SH3GL1: variants seen among roughly 807,000 people sequenced by gnomAD.
SH3GL1 encodes the protein SH3 domain containing GRB2 like 1, endophilin A2, also known as endophilin-A2.
Under a neutral mutation model 48.8 loss-of-function variants are expected in SH3GL1, and 21 were observed. The observed-to-expected ratio is 0.43, with a 90% CI of 0.30 to 0.62. SH3GL1 has a LOEUF of 0.62. Ranked by LOEUF, SH3GL1 falls within the 20% of genes least tolerant of loss-of-function variation. The pLI is 0.11. For synonymous variants in SH3GL1, 282 were observed against 217.5 expected (o/e 1.30, Z -2.61); for missense variants, 454 against 503.0 (o/e 0.90, Z 0.93).
intron 1 of SH3GL1, among the ~76,000 whole-genome samples, chr19:4,394,904 A>G (rs1485328586): frequency 6.6e-6 from 1 of 152,108 alleles, no homozygotes. Context: ...CCTGGCCCCT[A>G]TCCCCTCGAT....
chr19:4,366,454 A>G (rs1291810874), intron 3 of SH3GL1, 47 bp downstream of exon 3: 4 of 1,445,692 alleles, frequency 2.8e-6, no homozygotes, highest in Non-Finnish European at 3.9e-6. Context: ...TCTGACACAG[A>G]GGCCAGAGGG....
intron 1 of SH3GL1, among the ~76,000 whole-genome samples, chr19:4,378,022 A>C (rs1044343711): frequency 1.3e-5 from 2 of 151,996 alleles, no homozygotes; most frequent in African/African-American, 4.8e-5. Context: ...CTCGTCGCCA[A>C]CCCACCCCAA....
chr19:4,365,380 C>G, intron 4 of SH3GL1, 102 bp downstream of exon 4: 1 of 1,487,502 alleles, frequency 6.7e-7, no homozygotes, highest in Non-Finnish European at 9.3e-7. Flanking sequence ...GGCCACTGTA[C>G]GTCCCCGGCA....
At chr19:4,379,425 CAAA>C (rs973250795) in intron 1 of SH3GL1, among the ~76,000 whole-genome samples, 5 of 89,304 alleles carry the variant, frequency 5.6e-5, no homozygotes, top group Admixed American at 1.2e-4. Context: ...GATGCTGTCT[CAAA>C]AAAAAAAAAA....
Position 4,362,705 on chromosome 19 carries a change from C to A in SH3GL1, c.760G>T (p.Glu254Ter). Reference protein sequence around the residue: ...MREASSRPKREYKPKPREPFD... With the variant: ...MREASSRPKR ...GGCTCCCGGGGCTTGGGCTTATACT[C>A]CCGCTTAGGGCGTGAGGAAGCTTCC... Residue 254 changes from glutamate to a stop codon, truncating the protein, a stop_gained, in exon 8 of 10, where the codon GAG becomes TAG. Coordinates refer to ENST00000269886, the MANE Select transcript of SH3GL1 (RefSeq NM_003025.4). LOFTEE classifies it high-confidence loss of function. The A allele has an allele frequency of 1.2e-6, 2 of 1,614,044 alleles. No homozygotes were observed. Among genetic ancestry groups the A allele is most frequent in the Non-Finnish European group, 1.7e-6 (2 of 1,180,022 alleles).
In SH3GL1 at chr19:4,393,929, G is replaced by A. The variant is rs894096857; in HGVS notation, c.45+6395C>T. Among the ~76,000 whole-genome samples the A allele has an allele frequency of 2.6e-5, 4 of 151,804 alleles. No homozygotes were observed. The South Asian group carries it at 8.3e-4, about 32-fold the overall frequency. On this transcript the variant is annotated intron_variant, in intron 1 of 9. Transcript: ENST00000269886. ...TCTGACCTACAGCCCCCAAATAGGTGGGGCCCAGGATCCCCCGGCAGACAG... is the reference window on the plus strand; with the variant it reads ...TCTGACCTACAGCCCCCAAATAGGTAGGGCCCAGGATCCCCCGGCAGACAG...
intron 1 of SH3GL1, among the ~76,000 whole-genome samples, chr19:4,393,889 C>T (rs1013726982): frequency 5.3e-5 from 8 of 151,852 alleles, no homozygotes; most frequent in South Asian, 4.2e-4. Flanking sequence ...CAGCCATGTC[C>T]CAGACACTGC....
intron 1 of SH3GL1, among the ~76,000 whole-genome samples, chr19:4,375,084 C>G (rs570066647): frequency 2.3e-4 from 35 of 152,276 alleles, no homozygotes; most frequent in African/African-American, 7.9e-4. Flanking sequence ...CGGGCACCTA[C>G]GAGACCCACC....
At chr19:4,384,976 T>C (rs907257133) in intron 1 of SH3GL1, among the ~76,000 whole-genome samples, 4 of 151,936 alleles carry the variant, frequency 2.6e-5, no homozygotes, top group African/African-American at 7.3e-5. Flanking sequence ...TGGTGGTTGG[T>C]GTCTGTAATC....
At chr19:4,392,835 A>C (rs1973361964) in intron 1 of SH3GL1, among the ~76,000 whole-genome samples, 1 of 152,112 alleles carries the variant, frequency 6.6e-6, no homozygotes, top group Non-Finnish European at 1.5e-5. Flanking sequence ...CCAGCTACTC[A>C]GGAGGCTGGG....
At chr19:4,398,314 C>G (rs1973459581) in intron 1 of SH3GL1, among the ~76,000 whole-genome samples, 1 of 152,072 alleles carries the variant, frequency 6.6e-6, no homozygotes, top group Non-Finnish European at 1.5e-5. Flanking sequence ...TGGACTCTAT[C>G]TACACAAATT....
intron 3 of SH3GL1, 77 bp from the exon 4 acceptor site, chr19:4,365,702 C>T (rs1365809137): frequency 1.3e-6 from 2 of 1,586,706 alleles, no homozygotes; most frequent in African/African-American, 1.3e-5. Context: ...GCCCCCACAT[C>T]TCCTCCCCAC....
At chr19:4,378,300 G>A (rs181449940) in intron 1 of SH3GL1, among the ~76,000 whole-genome samples, 4 of 152,172 alleles carry the variant, frequency 2.6e-5, no homozygotes, top group East Asian at 1.9e-4. Context: ...CTGGATGGGC[G>A]ACACCGGGAC....
At position 4,361,717 on chromosome 19, in the gene SH3GL1, G is replaced by A. The variant is rs147712071; in HGVS notation, c.990C>T (p.Gly330=). 5.2e-4 allele frequency: 838 copies of A among 1,613,122 alleles called. No homozygotes were observed. The highest frequency in any genetic ancestry group is 1.4e-3 in the Admixed American group (82 of 60,010). The part of the protein sequence containing the change: ...ENDGELGFHE[G]DVITLTNQID... ...TCTGGTTGGTCAGCGTGATGACGTCGCCCTCATGGAAGCCCAGCTCCCCGT... is the reference window on the plus strand; with the variant it reads ...TCTGGTTGGTCAGCGTGATGACGTCACCCTCATGGAAGCCCAGCTCCCCGT... The change falls in exon 10 of 10, where the codon GGC becomes GGT. Residue 330 remains glycine, a synonymous_variant. Transcript: ENST00000269886.
Position 4,389,823 on chromosome 19 carries a change from G to A in SH3GL1, c.45+10501C>T, listed in dbSNP as rs907663502. Among the ~76,000 whole-genome samples the A allele has an allele frequency of 1.3e-5, 2 of 152,234 alleles. No homozygotes were observed. The highest frequency in any genetic ancestry group is 2.9e-5 in the Non-Finnish European group (2 of 68,036). ...AATGGGCTCATATTCCAGTGGCAAC[G>A]GCAATGGAATAATCACTCCCATTGG... On this transcript the variant is annotated intron_variant, in intron 1 of 9. Transcript: ENST00000269886. This position sits in a 1 kb window ranked among gnomAD's most constrained non-coding sequence, Gnocchi z 4.5.
In SH3GL1 at chr19:4,365,400, T is replaced by C. The variant is rs107288; in HGVS notation, c.331+82A>G. 0.61 allele frequency: 957,356 copies of C among 1,576,436 alleles called. 295,728 individuals are homozygous for C. Among genetic ancestry groups the C allele is most frequent in the African/African-American group, 0.89 (65,858 of 74,374 alleles). ...CTGTACGTCCCCGGCACTCAGCACA[T>C]GCAGGGCCTGGACCTGCCCTGCCTG... is the stretch of plus-strand genomic sequence containing the variant. On this transcript the variant is annotated intron_variant, in intron 4 of 9. Transcript: ENST00000269886.
Position 4,366,989 on chromosome 19 carries a change from G to T in SH3GL1, c.51C>A (p.Val17=). ...KKQFYKASQL[V]SEKVGGAEGT... ...CCTCGGCCCCTCCGACCTTCTCACT[G>T]ACCAGCTAGAGGACAGAAGAGGGGA... The change falls in exon 2 of 10, where the codon GTC becomes GTA. Residue 17 remains valine (V), a synonymous_variant. Transcript: ENST00000269886. 1 of 1,613,906 alleles carries T rather than the reference G, an allele frequency of 6.2e-7. No individual in the cohort carries two copies. The highest frequency in any genetic ancestry group is 1.3e-5 in the African/African-American group (1 of 75,042).
At chr19:4,368,530 C>G (rs1406070709) in intron 1 of SH3GL1, among the ~76,000 whole-genome samples, 3 of 152,216 alleles carry the variant, frequency 2.0e-5, no homozygotes, top group Non-Finnish European at 4.4e-5. Flanking sequence ...GGCAACCTGC[C>G]CAAAAAGACA....
rs1167402823 is a variant in SH3GL1 at position 4,400,519 on chromosome 19, C to A, written c.-151G>T. Reference sequence around the variant, plus strand: ...GCGCCCGCCCCGGCGCCGCCTCAGCCGCTCGCGCGCCCGCGCGGCCAGGAT... The same window carrying A: ...GCGCCCGCCCCGGCGCCGCCTCAGCAGCTCGCGCGCCCGCGCGGCCAGGAT... On this transcript the variant is annotated 5_prime_UTR_variant, in exon 1 of 10. Transcript: ENST00000269886. This position sits in a 1 kb window ranked among gnomAD's most constrained non-coding sequence, Gnocchi z 4.1. 4 of 497,800 alleles carry A rather than the reference C, an allele frequency of 8.0e-6. No homozygotes were observed. Among genetic ancestry groups the A allele is most frequent in the East Asian group, 2.7e-4 (2 of 7,332 alleles). 30.8% of individuals were successfully genotyped at this position (497,800 alleles called of 1,614,324 possible). A position where few individuals can be genotyped will look rare whatever the true frequency, so the allele number is the denominator to read the frequency against.
Sources: allele counts gnomAD v4.1 joint callset (sites outside exome capture counted in the v4.1 genomes callset), GRCh38; gene constraint gnomAD v4.1.1; non-coding constraint Gnocchi (gnomAD v3.1); transcripts MANE v1.5; gene names NCBI Gene and HGNC (gene_info 2026-07-23, HGNC 2026-07-21).